The following HS3ST4 variants were observed in gnomAD, a reference collection of about 807,000 sequenced individuals.
The protein encoded by HS3ST4 is heparan sulfate glucosamine 3-O-sulfotransferase 4.
A neutral mutation model predicts 29.2 loss-of-function variants in HS3ST4; 17 were observed. That is an observed-to-expected ratio of 0.58 (90% confidence interval 0.40 to 0.87). The LOEUF is 0.87. Ranked by LOEUF, HS3ST4 falls within the 40% of genes least tolerant of loss-of-function variation. The pLI, the probability that HS3ST4 is intolerant of heterozygous loss-of-function variation, is 0.00. For missense variants in HS3ST4, 627 were observed against 634.5 expected, an observed-to-expected ratio of 0.99 and a Z score of 0.13; for synonymous variants, 314 against 285.7, an observed-to-expected ratio of 1.10 and a Z score of -1.00.
chr16:26,075,969 G>A (rs564223023), intron 1 of HS3ST4, among the ~76,000 whole-genome samples: 1 of 152,140 alleles, frequency 6.6e-6, no homozygotes, highest in African/African-American at 2.4e-5. Context: ...TGTTTTCCGA[G>A]TATAATCCAT....
chr16:25,779,868 C>T (rs975685743), intron 1 of HS3ST4, among the ~76,000 whole-genome samples: 8 of 152,164 alleles, frequency 5.3e-5, no homozygotes, highest in Non-Finnish European at 7.3e-5. Flanking sequence ...AGATGTACGG[C>T]GCCTCTGTGC....
chr16:25,733,962 C>T (rs1455413779), intron 1 of HS3ST4, among the ~76,000 whole-genome samples: 7 of 152,080 alleles, frequency 4.6e-5, no homozygotes, highest in African/African-American at 1.4e-4. Context: ...ACTAAAAATA[C>T]AAAAATTAGT....
At chr16:25,982,540 T>C (rs1048860881) in intron 1 of HS3ST4, among the ~76,000 whole-genome samples, 2 of 152,172 alleles carry the variant, frequency 1.3e-5, no homozygotes, top group African/African-American at 4.8e-5. Flanking sequence ...TTTAAAAGCT[T>C]CAATGTTGTC....
rs1045476670 is a variant in HS3ST4 at position 25,692,760 on chromosome 16, C to T, written c.343C>T (p.Pro115Ser). ...NASHGEPPEP[P>S]EQPAAPGTDG... ...GAGCCACGGGGAGCCGCCCGAGCCC[C>T]CAGAGCAGCCAGCCGCCCCCGGGAC... Residue 115 changes from proline (P) to serine (S), a missense_variant, in exon 1 of 2, where the codon CCA becomes TCA. Physicochemically the swap from Pro to Ser is moderately conservative, Grantham distance 74. This residue lies in a region of HS3ST4 where 402 missense variants were observed against 340.8 expected (regional missense o/e 1.18). Transcript: ENST00000331351. 3 of 1,339,448 alleles carry T rather than the reference C, an allele frequency of 2.2e-6. No individual in the cohort carries two copies. The highest frequency in any genetic ancestry group is 2.8e-6 in the Non-Finnish European group (3 of 1,054,064). 83.0% of individuals were successfully genotyped at this position (1,339,448 alleles called of 1,614,324 possible). A position where few individuals can be genotyped will look rare whatever the true frequency, so the allele number is the denominator to read the frequency against.
chr16:26,064,269 C>A (rs1898515636), intron 1 of HS3ST4, among the ~76,000 whole-genome samples: 1 of 152,136 alleles, frequency 6.6e-6, no homozygotes, highest in African/African-American at 2.4e-5. Context: ...AAACTAAACT[C>A]AGTTTTTAAA....
intron 1 of HS3ST4, among the ~76,000 whole-genome samples, chr16:25,900,352 A>G (rs1197311173): frequency 6.7e-6 from 1 of 149,262 alleles, no homozygotes; most frequent in East Asian, 1.9e-4. Context: ...GATTTGCAAA[A>G]AATGCTTTTT....
chr16:25,853,312 G>GTATATA (rs57953638), intron 1 of HS3ST4, among the ~76,000 whole-genome samples: 4 of 91,582 alleles, frequency 4.4e-5, no homozygotes, highest in African/African-American at 1.4e-4. Flanking sequence ...GTGTGTGTGT[G>GTATATA]TATATATATA....
rs531571151 is a variant in HS3ST4 at position 25,822,656 on chromosome 16, CT to C, written c.734+129511del. Among the ~76,000 whole-genome samples, 204 of 152,098 alleles carry C rather than the reference CT, an allele frequency of 1.3e-3. 1 individual carries two copies. The highest frequency in any genetic ancestry group is 4.8e-3 in the African/African-American group (198 of 41,494). On this transcript the variant is annotated intron_variant, in intron 1 of 1. Transcript: ENST00000331351. ...AACTCTTCAGGTCCCTGATAGTGTG[CT>C]TTTTTCTTCAGCACTTGTTCCTTCA...
chr16:25,802,307 C>T (rs905308831), intron 1 of HS3ST4, among the ~76,000 whole-genome samples: 9 of 151,902 alleles, frequency 5.9e-5, no homozygotes, highest in African/African-American at 1.7e-4. Flanking sequence ...CAGTTCAAAC[C>T]TTTTATCTAA....
At chr16:25,975,976 A>C (rs1301549535) in intron 1 of HS3ST4, among the ~76,000 whole-genome samples, 1 of 152,218 alleles carries the variant, frequency 6.6e-6, no homozygotes, top group Non-Finnish European at 1.5e-5. Flanking sequence ...CAGATGATTT[A>C]TCTAAGATGG....
chr16:26,037,883 C>A (rs1040055439), intron 1 of HS3ST4, among the ~76,000 whole-genome samples: 1 of 152,160 alleles, frequency 6.6e-6, no homozygotes, highest in Non-Finnish European at 1.5e-5. Context: ...TCAATTGCCC[C>A]AGTGCTTCCA....
intron 1 of HS3ST4, among the ~76,000 whole-genome samples, chr16:25,931,846 G>C (rs1968466803): frequency 6.6e-6 from 1 of 152,192 alleles, no homozygotes; most frequent in African/African-American, 2.4e-5. Context: ...GGCTGCTCCT[G>C]CTATTCCTTC....
chr16:25,869,823 A>G (rs796410139), intron 1 of HS3ST4, among the ~76,000 whole-genome samples: 2 of 152,278 alleles, frequency 1.3e-5, no homozygotes, highest in African/African-American at 4.8e-5. Flanking sequence ...GGGCATTTAC[A>G]TGTGTTGTTT....
intron 1 of HS3ST4, among the ~76,000 whole-genome samples, chr16:25,901,831 T>C (rs544084013): frequency 2.6e-4 from 39 of 152,358 alleles, no homozygotes; most frequent in Admixed American, 2.0e-3. Flanking sequence ...CTTTCATTTT[T>C]TCCATTACAG....
At chr16:25,861,318 T>A (rs1967634093) in intron 1 of HS3ST4, among the ~76,000 whole-genome samples, 1 of 152,192 alleles carries the variant, frequency 6.6e-6, no homozygotes, top group Admixed American at 6.5e-5. Flanking sequence ...GTTCTGCAAG[T>A]TCAGCTTAGA....
chr16:26,108,046 G>C (rs1032088544), intron 1 of HS3ST4, among the ~76,000 whole-genome samples: 12 of 152,020 alleles, frequency 7.9e-5, no homozygotes, highest in African/African-American at 2.9e-4. Context: ...AATAGAGGTT[G>C]TGCTAATTTA....
intron 1 of HS3ST4, among the ~76,000 whole-genome samples, chr16:25,895,402 C>T (rs1401863632): frequency 6.6e-6 from 1 of 152,080 alleles, no homozygotes; most frequent in Non-Finnish European, 1.5e-5. Flanking sequence ...GTGATGTGAT[C>T]AGAGTTGTTT....
intron 1 of HS3ST4, among the ~76,000 whole-genome samples, chr16:25,934,113 A>G (rs1280199704): frequency 6.6e-6 from 1 of 152,090 alleles, no homozygotes; most frequent in Non-Finnish European, 1.5e-5. Flanking sequence ...TCTCAGGCAG[A>G]TATGTTTTGA....
At chr16:25,870,308 T>A (rs1388270133) in intron 1 of HS3ST4, among the ~76,000 whole-genome samples, 1 of 152,160 alleles carries the variant, frequency 6.6e-6, no homozygotes, top group East Asian at 1.9e-4. Context: ...TTACCTGCTG[T>A]CTTGGAACTT....
Sources: allele counts gnomAD v4.1 joint callset (sites outside exome capture counted in the v4.1 genomes callset), GRCh38; gene constraint gnomAD v4.1.1; regional missense constraint gnomAD v4.1.1; transcripts MANE v1.5; gene names NCBI Gene and HGNC (gene_info 2026-07-23, HGNC 2026-07-21).